The following PAPPA2 variants were observed in gnomAD, a reference collection of about 807,000 sequenced individuals.
The protein encoded by PAPPA2 is pappalysin 2, also known as pappalysin-2.
Under a neutral mutation model 176.4 loss-of-function variants are expected in PAPPA2, and 86 were observed. The ratio of observed to expected loss-of-function variants is 0.49; its 90% CI spans 0.41 to 0.58. PAPPA2 has a LOEUF of 0.58. Ranked by LOEUF, PAPPA2 falls within the 20% of genes least tolerant of loss-of-function variation. PAPPA2 has a pLI of 0.00. For synonymous variants in PAPPA2, 809 were observed against 852.2 expected, an observed-to-expected ratio of 0.95 and a Z score of 0.88; for missense variants, 2,073 against 2,256.9, an observed-to-expected ratio of 0.92 and a Z score of 1.65.
In PAPPA2 at chr1:176,843,304, AC is replaced by A. The variant is rs1177303759; in HGVS notation, c.*851del. The A allele has an allele frequency of 1.3e-5, 2 of 152,128 alleles. No individual in the cohort carries two copies. The highest frequency in any genetic ancestry group is 4.8e-5 in the African/African-American group (2 of 41,430). The allele number at this position is 152,128 out of a possible 1,614,324, so 9.4% of individuals were successfully genotyped here. On this transcript the variant is annotated 3_prime_UTR_variant, in exon 23 of 23. Coordinates refer to ENST00000367662, the MANE Select transcript of PAPPA2 (RefSeq NM_020318.3). ...GGAGATGGGGAGTTGGAATGGTGGT[AC>A]TAAGAGGCATAGGAAGTTGAGTGTG...
At chr1:176,669,640 T>A (rs1204977354) in intron 3 of PAPPA2, among the ~76,000 whole-genome samples, 1 of 152,200 alleles carries the variant, frequency 6.6e-6, no homozygotes, top group Non-Finnish European at 1.5e-5. Context: ...AAAGATAGTA[T>A]TTTAAAAGCC....
At chr1:176,759,654 C>A (rs1401571357) in intron 14 of PAPPA2, among the ~76,000 whole-genome samples, 3 of 152,104 alleles carry the variant, frequency 2.0e-5, no homozygotes, top group African/African-American at 7.2e-5. Context: ...CTACTGAGCT[C>A]CCCGAATATG....
intron 3 of PAPPA2, among the ~76,000 whole-genome samples, chr1:176,609,822 A>G (rs1654810993): frequency 6.6e-6 from 1 of 152,202 alleles, no homozygotes. Flanking sequence ...CACATGAGAT[A>G]ATGCTTGTTG....
At chr1:176,808,179 G>A (rs567527963) in intron 21 of PAPPA2, among the ~76,000 whole-genome samples, 46 of 152,194 alleles carry the variant, frequency 3.0e-4, no homozygotes, top group Non-Finnish European at 5.1e-4. Context: ...TATAGGGTGC[G>A]GGGTATTTAT....
chr1:176,603,034 C>T (rs1427971571), intron 3 of PAPPA2, among the ~76,000 whole-genome samples: 1 of 152,132 alleles, frequency 6.6e-6, no homozygotes, highest in Non-Finnish European at 1.5e-5. Flanking sequence ...TGTTTTTCTC[C>T]TTTTCATAGT....
At chr1:176,801,613 A>T (rs1665688643) in intron 21 of PAPPA2, among the ~76,000 whole-genome samples, 2 of 152,070 alleles carry the variant, frequency 1.3e-5, no homozygotes, top group African/African-American at 2.4e-5. Flanking sequence ...GGGAGAGAGA[A>T]GGAGTGAATC....
intron 1 of PAPPA2, among the ~76,000 whole-genome samples, chr1:176,502,602 T>C (rs1648028730): frequency 6.6e-6 from 1 of 152,204 alleles, no homozygotes; most frequent in African/African-American, 2.4e-5. Context: ...CAACAATCAC[T>C]AGGTATGTTT....
At chr1:176,479,636 T>C (rs992972192) in intron 1 of PAPPA2, among the ~76,000 whole-genome samples, 2 of 152,208 alleles carry the variant, frequency 1.3e-5, no homozygotes, top group African/African-American at 4.8e-5. Flanking sequence ...AGAAATGTAA[T>C]GAATAAAGGA....
chr1:176,584,826 C>G (rs928356497), intron 2 of PAPPA2, among the ~76,000 whole-genome samples: 4 of 152,110 alleles, frequency 2.6e-5, no homozygotes, highest in African/African-American at 9.7e-5. Flanking sequence ...CCTCCGCCTC[C>G]CAGGTTGAAG....
At chr1:176,544,098 C>A (rs1650500331) in intron 1 of PAPPA2, among the ~76,000 whole-genome samples, 1 of 152,176 alleles carries the variant, frequency 6.6e-6, no homozygotes, top group Non-Finnish European at 1.5e-5. Context: ...AGTTTCCTCA[C>A]CTCTAGATGC....
At chr1:176,737,808 A>T (rs1051637752) in intron 12 of PAPPA2, among the ~76,000 whole-genome samples, 1 of 152,104 alleles carries the variant, frequency 6.6e-6, no homozygotes, top group Admixed American at 6.6e-5. Context: ...GACGTTCAAA[A>T]GGTAGACACT....
chr1:176,832,632 C>T (rs1342572053), intron 21 of PAPPA2, among the ~76,000 whole-genome samples: 2 of 152,158 alleles, frequency 1.3e-5, no homozygotes, highest in East Asian at 1.9e-4. Context: ...GGATTACAGG[C>T]GTGAGTCACT....
chr1:176,581,488 T>G (rs552494625), intron 2 of PAPPA2, among the ~76,000 whole-genome samples: 6 of 152,310 alleles, frequency 3.9e-5, no homozygotes, highest in Non-Finnish European at 8.8e-5. Flanking sequence ...GTGTTTTCTA[T>G]TTTTATGAAG....
intron 21 of PAPPA2, among the ~76,000 whole-genome samples, chr1:176,827,034 C>G (rs574893714): frequency 6.6e-6 from 1 of 152,322 alleles, no homozygotes; most frequent in South Asian, 2.1e-4. Context: ...AAGCCTTCAT[C>G]TCCACTGGTC....
At chr1:176,603,735 C>T (rs1418521545) in intron 3 of PAPPA2, among the ~76,000 whole-genome samples, 1 of 152,150 alleles carries the variant, frequency 6.6e-6, no homozygotes, top group African/African-American at 2.4e-5. Flanking sequence ...CTATAGCCAC[C>T]ACCCTAATCC....
At chr1:176,667,682 G>A (rs1658746824) in intron 3 of PAPPA2, among the ~76,000 whole-genome samples, 1 of 151,998 alleles carries the variant, frequency 6.6e-6, no homozygotes, top group African/African-American at 2.4e-5. Flanking sequence ...TGGGGCTGTG[G>A]GTCCCAGTCT....
At chr1:176,581,613 T>C (rs1350558037) in intron 2 of PAPPA2, among the ~76,000 whole-genome samples, 1 of 152,200 alleles carries the variant, frequency 6.6e-6, no homozygotes, top group Admixed American at 6.5e-5. Context: ...TTCATTTATT[T>C]GTGCCTTCTT....
At chr1:176,672,341 A>G (rs764420644) in intron 4 of PAPPA2, among the ~76,000 whole-genome samples, 5 of 152,128 alleles carry the variant, frequency 3.3e-5, no homozygotes, top group Non-Finnish European at 7.4e-5. Context: ...AAAGAATTTT[A>G]TAAATGATTT....
intron 2 of PAPPA2, among the ~76,000 whole-genome samples, chr1:176,573,526 C>T (rs991470681): frequency 2.6e-5 from 4 of 152,086 alleles, no homozygotes; most frequent in East Asian, 1.9e-4. Flanking sequence ...TAAAAATGAT[C>T]GAAATGACAC....
Sources: allele counts gnomAD v4.1 joint callset (sites outside exome capture counted in the v4.1 genomes callset), GRCh38; gene constraint gnomAD v4.1.1; transcripts MANE v1.5; gene names NCBI Gene and HGNC (gene_info 2026-07-23, HGNC 2026-07-21).